The following WLS variants were observed in gnomAD, a reference collection of about 807,000 sequenced individuals.
WLS encodes Wnt ligand secretion mediator.
A neutral mutation model predicts 62.8 loss-of-function variants in WLS; 23 were observed. That is an observed-to-expected ratio of 0.37 (90% CI 0.26 to 0.52). The LOEUF is 0.52. WLS is among the 20% of genes least tolerant of loss of function. WLS has a pLI of 0.92. For missense variants in WLS, 615 were observed against 697.3 expected, an observed-to-expected ratio of 0.88 and a Z score of 1.33; for synonymous variants, 246 against 244.1, an observed-to-expected ratio of 1.01 and a Z score of -0.07.
At chr1:68,140,486 A>G (rs1325370098) in intron 10 of WLS, among the ~76,000 whole-genome samples, 1 of 152,222 alleles carries the variant, frequency 6.6e-6, no homozygotes, top group East Asian at 1.9e-4. Flanking sequence ...ACATAGTAAC[A>G]TATGGTATAA....
intron 2 of WLS, chr1:68,161,726 CTGAATGATT>C: frequency 1.4e-6 from 2 of 1,479,252 alleles, no homozygotes; most frequent in Non-Finnish European, 9.4e-7. Flanking sequence ...CCAAATGTAT[CTGAATGATT>C]ACCTTCCGGC....
intron 1 of WLS, among the ~76,000 whole-genome samples, chr1:68,201,150 A>G (rs1046304426): frequency 1.3e-5 from 2 of 152,194 alleles, no homozygotes; most frequent in Non-Finnish European, 2.9e-5. Context: ...TGTGAAATAT[A>G]CTGCACAACT....
chr1:68,159,285 T>C (rs1284102655), intron 2 of WLS, 38 bp from the exon 3 acceptor site: 2 of 1,596,606 alleles, frequency 1.3e-6, no homozygotes, highest in African/African-American at 2.7e-5. Context: ...AAATGACTTT[T>C]GGAAAGATAT....
At chr1:68,186,555 G>T (rs1451199011) in intron 2 of WLS, 1 of 453,832 alleles carries the variant, frequency 2.2e-6, no homozygotes, top group Non-Finnish European at 4.4e-6. Flanking sequence ...AAGTAATATT[G>T]TTACAGGTGA....
chr1:68,188,543 G>A (rs1045524063), intron 2 of WLS, among the ~76,000 whole-genome samples: 5 of 152,220 alleles, frequency 3.3e-5, no homozygotes, highest in African/African-American at 4.8e-5. Flanking sequence ...TGAAGAATGC[G>A]TAAGGAAAGA....
chr1:68,152,441 T>G (rs1210116264), intron 5 of WLS, among the ~76,000 whole-genome samples: 2 of 152,092 alleles, frequency 1.3e-5, no homozygotes, highest in Admixed American at 6.5e-5. Context: ...AGGAATGGAA[T>G]CTAAATGCTG....
chr1:68,142,977 T>C (rs1646705740), intron 10 of WLS: 1 of 152,204 alleles, frequency 6.6e-6, no homozygotes, highest in Admixed American at 6.5e-5. Flanking sequence ...ATTTTCTCAA[T>C]AGAAATCATG....
chr1:68,209,941 C>T (rs1391530533), intron 1 of WLS, among the ~76,000 whole-genome samples: 1 of 152,220 alleles, frequency 6.6e-6, no homozygotes, highest in African/African-American at 2.4e-5. Flanking sequence ...CTCCTTGTCT[C>T]AGGCCACACT....
intron 11 of WLS, chr1:68,099,596 C>A (rs1052192559): frequency 3.9e-5 from 6 of 152,130 alleles, no homozygotes; most frequent in African/African-American, 1.4e-4. Context: ...GCAACCTATG[C>A]CCCTCCTCCC....
At chr1:68,220,673 A>T (rs1649904278) in intron 1 of WLS, among the ~76,000 whole-genome samples, 1 of 152,206 alleles carries the variant, frequency 6.6e-6, no homozygotes, top group Non-Finnish European at 1.5e-5. Flanking sequence ...TGAACTATCA[A>T]ATGGAAAACC....
chr1:68,222,079 C>A (rs577077452), intron 1 of WLS, among the ~76,000 whole-genome samples: 4 of 152,244 alleles, frequency 2.6e-5, no homozygotes, highest in Admixed American at 2.0e-4. Flanking sequence ...ATTATGCCTG[C>A]CACAAACATC....
At chr1:68,228,251 G>A (rs530551959) in intron 1 of WLS, 1 of 443,400 alleles carries the variant, frequency 2.3e-6, no homozygotes, top group East Asian at 7.3e-5. Flanking sequence ...TCATTTATGG[G>A]TATGCTGAAA....
At chr1:68,185,246 G>T (rs559012598) in intron 2 of WLS, among the ~76,000 whole-genome samples, 35 of 152,158 alleles carry the variant, frequency 2.3e-4, no homozygotes, top group African/African-American at 7.7e-4. Flanking sequence ...ATAAATACGC[G>T]TTCCCATGAC....
intron 2 of WLS, among the ~76,000 whole-genome samples, chr1:68,169,992 C>G (rs1434603543): frequency 6.6e-6 from 1 of 152,014 alleles, no homozygotes; most frequent in East Asian, 1.9e-4. Flanking sequence ...CTACTTGGTG[C>G]CTATGCAATG....
chr1:68,200,617 A>C (rs1202302223), intron 1 of WLS, among the ~76,000 whole-genome samples: 3 of 150,844 alleles, frequency 2.0e-5, no homozygotes, highest in Admixed American at 2.0e-4. Context: ...GCTGGGAAAT[A>C]TAAGCTCCTC....
Position 68,157,649 on chromosome 1 carries a change from G to C in WLS, c.504+1474C>G, listed in dbSNP as rs917278382. Reference sequence around the variant, plus strand: ...TTAAAGCAATTTCTCATTTAATCTTGAGACTCAAGACTAAATTTCACTGCA... The same window carrying C: ...TTAAAGCAATTTCTCATTTAATCTTCAGACTCAAGACTAAATTTCACTGCA... On this transcript the variant is annotated intron_variant, in intron 3 of 11. Coordinates refer to ENST00000262348, the MANE Select transcript of WLS (RefSeq NM_024911.7). Among the ~76,000 whole-genome samples the C allele has an allele frequency of 9.9e-5, 15 of 151,126 alleles. 1 individual carries two copies.
At chr1:68,127,692 A>G (rs1246466108) in intron 11 of WLS, among the ~76,000 whole-genome samples, 1 of 152,216 alleles carries the variant, frequency 6.6e-6, no homozygotes, top group Non-Finnish European at 1.5e-5. Context: ...GTTTTCTGGA[A>G]CTGAAGTTTT....
intron 2 of WLS, among the ~76,000 whole-genome samples, chr1:68,170,460 G>A (rs1028044815): frequency 5.9e-5 from 9 of 151,976 alleles, no homozygotes; most frequent in Non-Finnish European, 1.2e-4. Flanking sequence ...GAGCCACCGC[G>A]CTCGGCCGCT....
At chr1:68,110,688 T>TCTCTCC (rs1390457595) in intron 11 of WLS, among the ~76,000 whole-genome samples, 2 of 150,076 alleles carry the variant, frequency 1.3e-5, no homozygotes, top group African/African-American at 4.9e-5. Context: ...TCTCTCTCTC[T>TCTCTCC]CTCCATATAT....
Sources: gnomAD v4.1 joint callset for allele counts (sites outside exome capture counted in the v4.1 genomes callset) on GRCh38, gnomAD v4.1.1 for gene constraint, MANE v1.5 for transcripts, NCBI Gene and HGNC (gene_info 2026-07-23, HGNC 2026-07-21) for gene names.